The following KPNA6 variants were observed in gnomAD, a reference collection of about 807,000 sequenced individuals.
The protein encoded by KPNA6 is importin subunit alpha-7.
KPNA6 carries 9 observed loss-of-function variants against 72.0 expected under a neutral mutation model. The observed-to-expected ratio is 0.13, with a 90% confidence interval of 0.08 to 0.22. The LOEUF (loss-of-function observed/expected upper bound fraction) is 0.22. Ranked by LOEUF, KPNA6 falls within the 10% of genes least tolerant of loss-of-function variation. KPNA6 has a pLI of 1.00. For synonymous variants in KPNA6, 219 were observed against 242.1 expected, an observed-to-expected ratio of 0.90 and a Z score of 0.89; for missense variants, 374 against 655.7, an observed-to-expected ratio of 0.57 and a Z score of 4.69.
intron 1 of KPNA6, among the ~76,000 whole-genome samples, chr1:32,127,725 A>G (rs896600064): frequency 1.4e-4 from 22 of 152,136 alleles, no homozygotes; most frequent in African/African-American, 5.3e-4. Context: ...CTTTAACTGA[A>G]CTGGTCTTGT....
chr1:32,158,441 C>T (rs1217325101), intron 5 of KPNA6, 80 bp downstream of exon 5: 2 of 803,116 alleles, frequency 2.5e-6, no homozygotes, highest in Non-Finnish European at 4.1e-6. Context: ...TTATGGGATA[C>T]ATGAGATGTT....
In KPNA6 at chr1:32,173,815, G is replaced by A. The variant is rs993656400; in HGVS notation, c.*2921G>A. ...TCTGCTGTAGGGAATACCCTAATTAGTTGAGGCATGCTTTTGGAATCCTGG... is the reference window on the plus strand; with the variant it reads ...TCTGCTGTAGGGAATACCCTAATTAATTGAGGCATGCTTTTGGAATCCTGG... On this transcript the variant is annotated 3_prime_UTR_variant, in exon 14 of 14. Coordinates refer to ENST00000373625, the MANE Select transcript of KPNA6 (RefSeq NM_012316.5). 3 of 152,234 alleles carry A rather than the reference G, an allele frequency of 2.0e-5. No individual in the cohort carries two copies. The highest frequency in any genetic ancestry group is 2.9e-5 in the Non-Finnish European group (2 of 68,072). The allele number at this position is 152,234 out of a possible 1,614,324, so 9.4% of individuals were successfully genotyped here.
At chr1:32,110,185 C>G (rs1569979057) in intron 1 of KPNA6, among the ~76,000 whole-genome samples, 1 of 151,258 alleles carries the variant, frequency 6.6e-6, no homozygotes, top group East Asian at 2.0e-4. Context: ...CTGCCTCAGC[C>G]TCCTGAGTAG....
At chr1:32,158,843 A>G (rs1388306917) in intron 5 of KPNA6, among the ~76,000 whole-genome samples, 2 of 152,362 alleles carry the variant, frequency 1.3e-5, no homozygotes, top group African/African-American at 4.8e-5. Flanking sequence ...TCCTTAAAAC[A>G]ATTTCAAAGG....
rs1642424660 is a variant in KPNA6, at chr1:32,170,945, A to C, written c.*51A>C. 6.5e-7 allele frequency: 1 copy of C among 1,545,418 alleles called. No individual in the cohort carries two copies. The highest frequency in any genetic ancestry group is 1.7e-5 in the Admixed American group (1 of 59,686). ...ATGGGAAGCACCACCAGCCAGCGGA[A>C]GAGCAGCCCTCTGGTGGGCGGGAAA... On this transcript the variant is annotated 3_prime_UTR_variant, in exon 14 of 14. Coordinates refer to ENST00000373625, the MANE Select transcript of KPNA6 (RefSeq NM_012316.5).
rs763218193 is a variant in KPNA6 at position 32,154,568 on chromosome 1, G to A, written c.5-20G>A. The A allele has an allele frequency of 5.0e-6, 8 of 1,610,308 alleles. No homozygotes were observed. Among genetic ancestry groups the A allele is most frequent in the Non-Finnish European group, 6.8e-6 (8 of 1,178,270 alleles). ...GCTGTCCTCTCAAGAGTTTTTGGCA[G>A]TGTGTATCTTTTCTTCTAGAGACCA... On this transcript the variant is annotated intron_variant, in intron 1 of 13. Transcript: ENST00000373625.
At chr1:32,145,815 T>C (rs544912280) in intron 1 of KPNA6, among the ~76,000 whole-genome samples, 1 of 152,330 alleles carries the variant, frequency 6.6e-6, no homozygotes, top group South Asian at 2.1e-4. Flanking sequence ...ACCACACTGT[T>C]TTAATTACTG....
intron 1 of KPNA6, among the ~76,000 whole-genome samples, chr1:32,123,248 G>A (rs971237361): frequency 6.6e-6 from 1 of 152,062 alleles, no homozygotes; most frequent in African/African-American, 2.4e-5. Flanking sequence ...GTAATCCAGT[G>A]TTTCCGGGCG....
chr1:32,170,158 A>T (rs1389672359), intron 13 of KPNA6, 98 bp downstream of exon 13: 1 of 1,071,518 alleles, frequency 9.3e-7, no homozygotes, highest in Non-Finnish European at 1.4e-6. Context: ...GTTGGGAAGC[A>T]TCCATAGCTT....
intron 1 of KPNA6, among the ~76,000 whole-genome samples, chr1:32,138,092 G>T (rs1263945945): frequency 6.7e-6 from 1 of 150,368 alleles, no homozygotes; most frequent in East Asian, 1.9e-4. Flanking sequence ...CCAAGATCGT[G>T]CCACTGCACT....
chr1:32,159,180 A>G lies in KPNA6; in HGVS notation c.427-220A>G, dbSNP rs527959190. On this transcript the variant is annotated intron_variant, in intron 5 of 13. Transcript: ENST00000373625. ...AATGTCTTATTCTCATCTATATCAC[A>G]TCACTGCATCTTCCCACTCTCTAAA... Among the ~76,000 whole-genome samples, 3 of 152,354 alleles carry G rather than the reference A, an allele frequency of 2.0e-5. No homozygotes were observed. In the South Asian group the frequency reaches 6.2e-4, roughly 32 times the overall value.
intron 1 of KPNA6, among the ~76,000 whole-genome samples, chr1:32,120,786 T>C (rs1417550884): frequency 6.6e-6 from 1 of 152,054 alleles, no homozygotes; most frequent in Non-Finnish European, 1.5e-5. Context: ...CAGGCTGGTC[T>C]TGAACACCTG....
rs1436765729 is a variant in KPNA6 at position 32,174,064 on chromosome 1, C to G, written c.*3170C>G. 1 of 152,280 alleles carries G rather than the reference C, an allele frequency of 6.6e-6. No homozygotes were observed. The highest frequency in any genetic ancestry group is 2.4e-5 in the African/African-American group (1 of 41,456). 9.4% of individuals were successfully genotyped at this position (152,280 alleles called of 1,614,324 possible). A position where few individuals can be genotyped will look rare whatever the true frequency, so the allele number is the denominator to read the frequency against. On this transcript the variant is annotated 3_prime_UTR_variant, in exon 14 of 14. Coordinates refer to ENST00000373625, the MANE Select transcript of KPNA6 (RefSeq NM_012316.5). ...TTCAGATCCCAGCTGACCCTGGTGA[C>G]TGCCTGGCCTTGATGTTGGCTGCAG... is the stretch of plus-strand genomic sequence containing the variant.
At chr1:32,160,541 T>C (rs1169264967) in intron 6 of KPNA6, 74 bp from the exon 7 acceptor site, 5 of 1,126,870 alleles carry the variant, frequency 4.4e-6, no homozygotes, top group Non-Finnish European at 6.8e-6. Flanking sequence ...GGTACTCACT[T>C]TGCAGTTGTG....
chr1:32,173,258 T>G lies in KPNA6; in HGVS notation c.*2364T>G. On this transcript the variant is annotated 3_prime_UTR_variant, in exon 14 of 14. Coordinates refer to ENST00000373625, the MANE Select transcript of KPNA6 (RefSeq NM_012316.5). ...AAAGGGCAATTTAGTAGGATCTACT[T>G]TGTACATCTCAAGTAAGAGTTAAGT... 2 of 395,376 alleles carry G rather than the reference T, an allele frequency of 5.1e-6. No homozygotes were observed. Among genetic ancestry groups the G allele is most frequent in the Non-Finnish European group, 8.9e-6 (2 of 224,578 alleles). 24.5% of individuals were successfully genotyped at this position (395,376 alleles called of 1,614,324 possible).
intron 7 of KPNA6, 150 bp downstream of exon 7, chr1:32,160,853 C>T: frequency 1.6e-6 from 1 of 632,512 alleles, no homozygotes; most frequent in South Asian, 1.7e-5. Context: ...AGATAGGTAT[C>T]TTTGGAGATT....
intron 1 of KPNA6, among the ~76,000 whole-genome samples, chr1:32,134,275 C>A (rs1641695231): frequency 6.6e-6 from 1 of 150,616 alleles, no homozygotes; most frequent in Non-Finnish European, 1.5e-5. Flanking sequence ...AAAAAAAATT[C>A]TATATCTAAC....
intron 1 of KPNA6, among the ~76,000 whole-genome samples, chr1:32,133,629 G>C (rs940495654): frequency 6.6e-6 from 1 of 152,020 alleles, no homozygotes; most frequent in African/African-American, 2.4e-5. Context: ...TAGGCTGCAG[G>C]GAGTTGATTG....
chr1:32,110,921 C>T (rs572916803), intron 1 of KPNA6, among the ~76,000 whole-genome samples: 25 of 152,254 alleles, frequency 1.6e-4, no homozygotes, highest in Non-Finnish European at 3.1e-4. Flanking sequence ...AAACAGATAA[C>T]AGTGTTTGGA....
Sources: allele counts gnomAD v4.1 joint callset (sites outside exome capture counted in the v4.1 genomes callset), GRCh38; gene constraint gnomAD v4.1.1; transcripts MANE v1.5; gene names NCBI Gene and HGNC (gene_info 2026-07-23, HGNC 2026-07-21).